The following PGPEP1 variants were observed in gnomAD, a reference collection of about 807,000 sequenced individuals.
The protein encoded by PGPEP1 is pyroglutamyl-peptidase I.
Under a neutral mutation model 24.1 loss-of-function variants are expected in PGPEP1, and 15 were observed. The ratio of observed to expected loss-of-function variants is 0.62; its 90% CI spans 0.42 to 0.96. The LOEUF (loss-of-function observed/expected upper bound fraction) is 0.96. Ranked by LOEUF, PGPEP1 falls within the 40% of genes least tolerant of loss-of-function variation. The pLI is 0.00. For missense variants in PGPEP1, 242 were observed against 273.4 expected, an observed-to-expected ratio of 0.89 and a Z score of 0.81; for synonymous variants, 122 against 116.4, an observed-to-expected ratio of 1.05 and a Z score of -0.31.
At chr19:18,348,652 C>T (rs1970931115) in intron 2 of PGPEP1, among the ~76,000 whole-genome samples, 1 of 152,102 alleles carries the variant, frequency 6.6e-6, no homozygotes, top group African/African-American at 2.4e-5. Context: ...GTGCCAGATA[C>T]ACTGTATGGC....
At chr19:18,353,829 T>G (rs1006023492) in intron 2 of PGPEP1, among the ~76,000 whole-genome samples, 7 of 152,216 alleles carry the variant, frequency 4.6e-5, no homozygotes, top group African/African-American at 1.7e-4. Flanking sequence ...CTTCTTTCCT[T>G]TTCATGGCTG....
chr19:18,349,996 T>C (rs1398036599), intron 2 of PGPEP1, among the ~76,000 whole-genome samples: 1 of 152,072 alleles, frequency 6.6e-6, no homozygotes, highest in African/African-American at 2.4e-5. Context: ...ATTACAGGCA[T>C]GAGCCACTGT....
intron 2 of PGPEP1, among the ~76,000 whole-genome samples, chr19:18,353,023 T>C (rs1007911510): frequency 1.3e-5 from 2 of 151,922 alleles, no homozygotes; most frequent in South Asian, 2.1e-4. Flanking sequence ...GTTCAAGCCA[T>C]ACTCCTGCCT....
At chr19:18,354,431 C>T (rs578037170) in intron 2 of PGPEP1, among the ~76,000 whole-genome samples, 11 of 152,042 alleles carry the variant, frequency 7.2e-5, no homozygotes, top group African/African-American at 2.7e-4. Flanking sequence ...GGAGGCGGAG[C>T]TTGCAGTGAG....
intron 4 of PGPEP1, among the ~76,000 whole-genome samples, chr19:18,358,524 TG>T (rs376575761): frequency 2.3e-4 from 35 of 151,698 alleles, no homozygotes; most frequent in African/African-American, 7.7e-4. Flanking sequence ...CCTCCCAAAG[TG>T]CTGGGATTAC....
At chr19:18,357,661 C>A in intron 4 of PGPEP1, 46 bp downstream of exon 4, 8 of 1,355,668 alleles carry the variant, frequency 5.9e-6, no homozygotes, top group Non-Finnish European at 8.3e-6. Context: ...CCCTCCTCCA[C>A]CCACTGAGCC....
At chr19:18,347,024 C>T (rs926465503) in intron 2 of PGPEP1, among the ~76,000 whole-genome samples, 16 of 151,368 alleles carry the variant, frequency 1.1e-4, no homozygotes, top group Non-Finnish European at 2.1e-4. Context: ...CTTCCCACCT[C>T]GTCCCTTCTT....
rs957906543 is a variant in PGPEP1 at position 18,348,443 on chromosome 19, G to A, written c.87+5532G>A. ...TCAGGTAGATGGGGTGTAGACAATG[G>A]GGCGTCTGCCCGAGCCCCGTCCTTT... On this transcript the variant is annotated intron_variant, in intron 2 of 4. Transcript: ENST00000269919. Among the ~76,000 whole-genome samples, 3 of 152,276 alleles carry A rather than the reference G, an allele frequency of 2.0e-5. No homozygotes were observed. The South Asian group carries it at 6.2e-4, about 32-fold the overall frequency.
intron 2 of PGPEP1, among the ~76,000 whole-genome samples, chr19:18,349,363 G>C (rs1210351184): frequency 1.3e-5 from 2 of 151,706 alleles, no homozygotes; most frequent in Non-Finnish European, 2.9e-5. Context: ...GTTTCGCCAT[G>C]TTGGCCAGGC....
intron 2 of PGPEP1, among the ~76,000 whole-genome samples, chr19:18,346,455 C>A (rs1970846027): frequency 6.6e-6 from 1 of 152,008 alleles, no homozygotes; most frequent in Non-Finnish European, 1.5e-5. Context: ...AGCTCCTCAT[C>A]CTTCAGGGAC....
At chr19:18,345,256 C>A (rs1284602122) in intron 2 of PGPEP1, among the ~76,000 whole-genome samples, 2 of 152,148 alleles carry the variant, frequency 1.3e-5, no homozygotes, top group East Asian at 1.9e-4. Flanking sequence ...CCCGCCTCGG[C>A]CTCCCAAAGT....
At chr19:18,348,053 A>AC (rs34223030) in intron 2 of PGPEP1, among the ~76,000 whole-genome samples, 33,562 of 148,022 alleles carry the variant, frequency 0.23, 4,041 homozygotes, top group Middle Eastern at 0.3. Flanking sequence ...TACAGAGGGG[A>AC]CCCCCCCTTG....
rs1426712281 is a variant in PGPEP1 at position 18,365,186 on chromosome 19, G to C, written c.*1603G>C. 2 of 152,102 alleles carry C rather than the reference G, an allele frequency of 1.3e-5. No individual in the cohort carries two copies. Among genetic ancestry groups the C allele is most frequent in the Non-Finnish European group, 2.9e-5 (2 of 68,022 alleles). The allele number at this position is 152,102 out of a possible 1,614,324, so 9.4% of individuals were successfully genotyped here. A position where few individuals can be genotyped will look rare whatever the true frequency, so the allele number is the denominator to read the frequency against. ...TTCAGCCACATCTTGCTGCCCATTAGGGAGAGAGGACGACCCCCACAGTGA... is the reference window on the plus strand; with the variant it reads ...TTCAGCCACATCTTGCTGCCCATTACGGAGAGAGGACGACCCCCACAGTGA... On this transcript the variant is annotated 3_prime_UTR_variant, in exon 5 of 5. Transcript: ENST00000269919.
At chr19:18,346,085 C>T (rs1297869306) in intron 2 of PGPEP1, among the ~76,000 whole-genome samples, 1 of 152,092 alleles carries the variant, frequency 6.6e-6, no homozygotes, top group Non-Finnish European at 1.5e-5. Flanking sequence ...ACAGAAGCCC[C>T]ACATAGCCTC....
rs984462611 is a variant in PGPEP1 at position 18,349,194 on chromosome 19, G to A, written c.87+6283G>A. The A allele has an allele frequency of 1.4e-5, 11 of 771,606 alleles. No individual in the cohort carries two copies. In the Admixed American group the frequency reaches 5.7e-4, roughly 40 times the overall value. 47.8% of individuals were successfully genotyped at this position (771,606 alleles called of 1,614,324 possible). On this transcript the variant is annotated intron_variant, in intron 2 of 4. Transcript: ENST00000269919. ...TGTTTGTTTGTTGTTTTTTATTTTT[G>A]TTTTTGAGACAGAATCTCACTCTGT... is the stretch of plus-strand genomic sequence containing the variant.
chr19:18,359,837 C>T (rs971455759), intron 4 of PGPEP1, among the ~76,000 whole-genome samples: 56 of 151,564 alleles, frequency 3.7e-4, no homozygotes, highest in African/African-American at 1.3e-3. Flanking sequence ...AATTCCAACA[C>T]GAGTCACCTC....
Position 18,347,194 on chromosome 19 carries a change from G to A in PGPEP1, c.87+4283G>A, listed in dbSNP as rs1235849275. Among the ~76,000 whole-genome samples the A allele has an allele frequency of 2.0e-5, 3 of 147,930 alleles. No homozygotes were observed. The Admixed American group carries it at 2.0e-4, about 10-fold the overall frequency. ...CCTCCCGGGCTCAGGTGATCCTCCC[G>A]CCCCAGCTTCCCCATTAGCTGGGAC... On this transcript the variant is annotated intron_variant, in intron 2 of 4. Coordinates refer to ENST00000269919, the MANE Select transcript of PGPEP1 (RefSeq NM_017712.4).
chr19:18,340,775 C>T (rs1970649203), intron 1 of PGPEP1, 60 bp downstream of exon 1: 7 of 1,265,838 alleles, frequency 5.5e-6, no homozygotes, highest in African/African-American at 1.5e-5. Flanking sequence ...GGGGCGGCTC[C>T]GGGACTGCGG....
Position 18,341,317 on chromosome 19 carries a change from G to T in PGPEP1, c.34+602G>T, listed in dbSNP as rs201769506. Reference sequence around the variant, plus strand: ...AAACCTTTTTGTGTTTTGTGCCAGGGCTGTTTGTTGGTGAGTCAGGGCCCC... The same window carrying T: ...AAACCTTTTTGTGTTTTGTGCCAGGTCTGTTTGTTGGTGAGTCAGGGCCCC... On this transcript the variant is annotated intron_variant, in intron 1 of 4. Transcript: ENST00000269919. Among the ~76,000 whole-genome samples the T allele has an allele frequency of 7.9e-5, 12 of 152,278 alleles. No homozygotes were observed. The East Asian group carries it at 2.3e-3, about 29-fold the overall frequency.
Sources: gnomAD v4.1 joint callset for allele counts (sites outside exome capture counted in the v4.1 genomes callset) on GRCh38, gnomAD v4.1.1 for gene constraint, MANE v1.5 for transcripts, NCBI Gene and HGNC (gene_info 2026-07-23, HGNC 2026-07-21) for gene names.